The following PRR3 variants were observed in gnomAD, a reference collection of about 807,000 sequenced individuals.
The protein encoded by PRR3 is proline rich 3.
In PRR3, 16 loss-of-function variants were observed where a neutral mutation model predicts 22.4. The ratio of observed to expected loss-of-function variants is 0.71; its 90% CI spans 0.48 to 1.09. PRR3 has a LOEUF of 1.09. Ranked by LOEUF, PRR3 falls within the 50% of genes least tolerant of loss-of-function variation. PRR3 has a pLI of 0.00. For missense variants in PRR3, 224 were observed against 243.4 expected (o/e 0.92, Z 0.53); for synonymous variants, 87 against 88.6 (o/e 0.98, Z 0.10).
rs1800784029 is a variant in PRR3 at position 30,563,533 on chromosome 6, T to G, written c.*1038T>G. The G allele has an allele frequency of 6.6e-6, 1 of 152,650 alleles. No individual in the cohort carries two copies. The highest frequency in any genetic ancestry group is 6.5e-5 in the Admixed American group (1 of 15,280). The allele number at this position is 152,650 out of a possible 1,614,324, so 9.5% of individuals were successfully genotyped here. ...CTTCCCCTACATCCCTGGCACTGGT[T>G]GTTTTCTGTGAAAACAGCAGTGAAC... On this transcript the variant is annotated 3_prime_UTR_variant, in exon 4 of 4. Transcript: ENST00000376560.
intron 2 of PRR3, among the ~76,000 whole-genome samples, chr6:30,559,204 C>T (rs960964734): frequency 1.3e-5 from 2 of 152,012 alleles, no homozygotes; most frequent in African/African-American, 4.8e-5. Context: ...GGTGAAACCC[C>T]TGTCTCTACT....
rs575594003 is a variant in PRR3 at position 30,562,675 on chromosome 6, G to A, written c.*180G>A. The A allele has an allele frequency of 1.3e-4, 73 of 542,240 alleles. No homozygotes were observed. Among genetic ancestry groups the A allele is most frequent in the Non-Finnish European group, 2.0e-4 (62 of 306,108 alleles). 33.6% of individuals were successfully genotyped at this position (542,240 alleles called of 1,614,324 possible). ...GAGTGGTGTTGCATCACTGGTGCGC[G>A]GCATACGCGCTTTCTTCTGATCCAG... On this transcript the variant is annotated 3_prime_UTR_variant, in exon 4 of 4. Transcript: ENST00000376560.
chr6:30,562,083 A>C lies in PRR3; in HGVS notation c.419A>C (p.Lys140Thr). 2 of 1,608,300 alleles carry C rather than the reference A, an allele frequency of 1.2e-6. No homozygotes were observed. The highest frequency in any genetic ancestry group is 1.7e-6 in the Non-Finnish European group (2 of 1,177,736). The change falls in exon 3 of 4, where the codon AAG (lysine) becomes ACG (threonine). Residue 140 changes from lysine to threonine, a missense_variant. Lys to Thr is a moderately conservative substitution (Grantham distance 78). Coordinates refer to ENST00000376560, the MANE Select transcript of PRR3 (RefSeq NM_025263.4). ...PRRLKSWSLIKNTCPPKDDPQ... is the reference protein window; with the variant it reads ...PRRLKSWSLITNTCPPKDDPQ... ...AGGCTCAAAAGCTGGTCTCTTATCA[A>C]GAATACCTGCCCGCCCAAGGATGAC...
Position 30,562,638 on chromosome 6 carries a change from G to A in PRR3, c.*143G>A, listed in dbSNP as rs188452962. ...ACCCATCCCATCCACCACTTCCCCC[G>A]TGTGGGGTCCAGAGTGGTGTTGCAT... On this transcript the variant is annotated 3_prime_UTR_variant, in exon 4 of 4. Transcript: ENST00000376560. 8 of 627,088 alleles carry A rather than the reference G, an allele frequency of 1.3e-5. No individual in the cohort carries two copies. Among genetic ancestry groups the A allele is most frequent in the East Asian group, 2.7e-5 (1 of 37,036 alleles). The allele number at this position is 627,088 out of a possible 1,614,324, so 38.8% of individuals were successfully genotyped here.
chr6:30,557,637 C>T (rs1362898051), intron 1 of PRR3, among the ~76,000 whole-genome samples, 187 bp downstream of exon 1: 3 of 152,242 alleles, frequency 2.0e-5, no homozygotes, highest in Non-Finnish European at 4.4e-5. Context: ...GAACCATCAA[C>T]CTCAATACGG....
chr6:30,559,439 A>G lies in PRR3; in HGVS notation c.169+1227A>G, dbSNP rs1341158512. ...ACCATTAAGAAATTAACAGGAAGCC[A>G]TACAATAGAAGATATTTGCAATAAA... On this transcript the variant is annotated intron_variant, in intron 2 of 3. Coordinates refer to ENST00000376560, the MANE Select transcript of PRR3 (RefSeq NM_025263.4). 2.0e-5 allele frequency among the ~76,000 whole-genome samples: 3 copies of G among 152,222 alleles called. 1 individual carries two copies. The highest frequency in any genetic ancestry group is 2.0e-4 in the Admixed American group (3 of 15,270).
At chr6:30,559,147 G>A (rs926674010) in intron 2 of PRR3, among the ~76,000 whole-genome samples, 14 of 152,212 alleles carry the variant, frequency 9.2e-5, no homozygotes, top group African/African-American at 3.4e-4. Context: ...GGAGGCCGAG[G>A]CGGGCGAATC....
chr6:30,562,917 T>C lies in PRR3; in HGVS notation c.*422T>C, dbSNP rs1800739634. 6.4e-6 allele frequency: 1 copy of C among 156,524 alleles called. No homozygotes were observed. The highest frequency in any genetic ancestry group is 6.5e-5 in the Admixed American group (1 of 15,404). 9.7% of individuals were successfully genotyped at this position (156,524 alleles called of 1,614,324 possible). On this transcript the variant is annotated 3_prime_UTR_variant, in exon 4 of 4. Coordinates refer to ENST00000376560, the MANE Select transcript of PRR3 (RefSeq NM_025263.4). ...TTTAGCTGCTTGTTTTAAGTCCTTTTTATGTGACATTCCCTACCCCCAATG... is the reference window on the plus strand; with the variant it reads ...TTTAGCTGCTTGTTTTAAGTCCTTTCTATGTGACATTCCCTACCCCCAATG...
chr6:30,559,268 T>C (rs1456433581), intron 2 of PRR3, among the ~76,000 whole-genome samples: 1 of 152,046 alleles, frequency 6.6e-6, no homozygotes, highest in Non-Finnish European at 1.5e-5. Flanking sequence ...TCCCAGCTAC[T>C]GAGGAGGCTG....
chr6:30,562,615 C>A lies in PRR3; in HGVS notation c.*120C>A, dbSNP rs1800717091. On this transcript the variant is annotated 3_prime_UTR_variant, in exon 4 of 4. Coordinates refer to ENST00000376560, the MANE Select transcript of PRR3 (RefSeq NM_025263.4). ...CTAACACCCTCAGTCAGTGACACAC[C>A]CATCCCATCCACCACTTCCCCCGTG... 1 of 670,660 alleles carries A rather than the reference C, an allele frequency of 1.5e-6. No homozygotes were observed. The highest frequency in any genetic ancestry group is 2.6e-5 in the Admixed American group (1 of 38,748). The allele number at this position is 670,660 out of a possible 1,614,324, so 41.5% of individuals were successfully genotyped here. A position where few individuals can be genotyped will look rare whatever the true frequency, so the allele number is the denominator to read the frequency against.
In PRR3 at chr6:30,562,425, A is replaced by C; in HGVS notation, c.497A>C (p.Lys166Thr). Reference protein sequence around the residue: ...SDRPVCRHFAKKGHCRYEDLC... With the variant: ...SDRPVCRHFATKGHCRYEDLC... ...CGCCCTGTCTGCCGACATTTTGCCAAAAAGGGCCACTGTCGATATGAGGAC... is the reference window on the plus strand; with the variant it reads ...CGCCCTGTCTGCCGACATTTTGCCACAAAGGGCCACTGTCGATATGAGGAC... Residue 166 changes from lysine to threonine, a missense_variant, in exon 4 of 4, where the codon AAA (lysine) becomes ACA (threonine). Lys to Thr is a moderately conservative substitution (Grantham distance 78). Transcript: ENST00000376560. 6.2e-7 allele frequency: 1 copy of C among 1,614,200 alleles called. No homozygotes were observed. The highest frequency in any genetic ancestry group is 2.2e-5 in the East Asian group (1 of 44,884).
chr6:30,558,951 A>G (rs1800438747), intron 2 of PRR3, among the ~76,000 whole-genome samples: 1 of 152,254 alleles, frequency 6.6e-6, no homozygotes, highest in Non-Finnish European at 1.5e-5. Context: ...CTAAGTATAA[A>G]AGGTAAGAGA....
chr6:30,558,950 AAAGGT>A (rs1366176048), intron 2 of PRR3, among the ~76,000 whole-genome samples: 1 of 152,252 alleles, frequency 6.6e-6, no homozygotes. Flanking sequence ...TCTAAGTATA[AAAGGT>A]AAGAGAATAA....
chr6:30,557,026 C>G (rs974125080), upstream of PRR3: 4 of 694,684 alleles, frequency 5.8e-6, no homozygotes, highest in Admixed American at 8.1e-5. Flanking sequence ...GGCCCGAGAG[C>G]CTGTTGACTC....
In PRR3 at chr6:30,558,139, T is replaced by C; in HGVS notation, c.107-11T>C. ...CCATTCTGATGACCATATTTTCATG[T>C]CTGCTCTTAGGACCACCCAGCCTTC... On this transcript the variant is annotated splice_polypyrimidine_tract_variant and intron_variant, in intron 1 of 3. Transcript: ENST00000376560. 1 of 1,610,956 alleles carries C rather than the reference T, an allele frequency of 6.2e-7. No homozygotes were observed. The highest frequency in any genetic ancestry group is 1.1e-5 in the South Asian group (1 of 91,050).
chr6:30,557,964 CA>C (rs1420295160), intron 1 of PRR3, among the ~76,000 whole-genome samples, 185 bp from the exon 2 acceptor site: 1 of 152,190 alleles, frequency 6.6e-6, no homozygotes, highest in African/African-American at 2.4e-5. Flanking sequence ...CTACTTTTTG[CA>C]AACCCTGAAA....
At position 30,562,579 on chromosome 6, in the gene PRR3, G is replaced by T. The variant is rs915910468; in HGVS notation, c.*84G>T. 8.2e-6 allele frequency: 7 copies of T among 856,720 alleles called. No homozygotes were observed. The highest frequency in any genetic ancestry group is 1.4e-5 in the Non-Finnish European group (7 of 514,056). 53.1% of individuals were successfully genotyped at this position (856,720 alleles called of 1,614,324 possible). A position where few individuals can be genotyped will look rare whatever the true frequency, so the allele number is the denominator to read the frequency against. On this transcript the variant is annotated 3_prime_UTR_variant, in exon 4 of 4. Coordinates refer to ENST00000376560, the MANE Select transcript of PRR3 (RefSeq NM_025263.4). Reference sequence around the variant, plus strand: ...TCTCTGTAGCCCTATGATGGCTACTGTGAGGCTCTTCTAACACCCTCAGTC... The same window carrying T: ...TCTCTGTAGCCCTATGATGGCTACTTTGAGGCTCTTCTAACACCCTCAGTC...
At chr6:30,558,281 C>T (rs772658201) in intron 2 of PRR3, 69 bp downstream of exon 2, 41 of 1,265,518 alleles carry the variant, frequency 3.2e-5, no homozygotes, top group Non-Finnish European at 4.4e-5. Flanking sequence ...GGATAAAACC[C>T]AGGAAGGACT....
In PRR3 at chr6:30,563,025, G is replaced by A. The variant is rs1253222916; in HGVS notation, c.*530G>A. 2 of 152,708 alleles carry A rather than the reference G, an allele frequency of 1.3e-5. No homozygotes were observed. Among genetic ancestry groups the A allele is most frequent in the African/African-American group, 2.4e-5 (1 of 41,352 alleles). The allele number at this position is 152,708 out of a possible 1,614,324, so 9.5% of individuals were successfully genotyped here. ...ACTGGTGCAGAGTTACTTCCTAAAA[G>A]GCCACTCTCCCTGCCTTTGGATTTC... On this transcript the variant is annotated 3_prime_UTR_variant, in exon 4 of 4. Transcript: ENST00000376560.
Sources: allele counts gnomAD v4.1 joint callset (sites outside exome capture counted in the v4.1 genomes callset), GRCh38; gene constraint gnomAD v4.1.1; transcripts MANE v1.5; gene names NCBI Gene and HGNC (gene_info 2026-07-23, HGNC 2026-07-21).